Variants in LRRC49 observed in about 807,000 individuals in gnomAD.
The protein encoded by LRRC49 is leucine rich repeat containing 49.
A neutral mutation model predicts 83.3 loss-of-function variants in LRRC49; 50 were observed. The observed-to-expected ratio is 0.60, with a 90% CI of 0.48 to 0.76. LRRC49 has a LOEUF of 0.76. Ranked by LOEUF, LRRC49 falls within the 30% of genes least tolerant of loss-of-function variation. The pLI, the probability that LRRC49 is intolerant of heterozygous loss-of-function variation, is 0.00. For missense variants in LRRC49, 704 were observed against 809.1 expected (o/e 0.87, Z 1.58); for synonymous variants, 286 against 283.3 (o/e 1.01, Z -0.10).
intron 2 of LRRC49, among the ~76,000 whole-genome samples, chr15:70,877,920 G>A (rs2033185733): frequency 6.6e-6 from 1 of 152,190 alleles, no homozygotes. Flanking sequence ...ACGAGGTCAG[G>A]AGATTGAGAC....
intron 9 of LRRC49, among the ~76,000 whole-genome samples, chr15:70,974,095 C>T (rs1304537932): frequency 3.3e-5 from 5 of 151,998 alleles, no homozygotes; most frequent in African/African-American, 1.2e-4. Context: ...CCACTGCACT[C>T]CAGCCTGGCA....
At chr15:70,853,845 G>C in intron 1 of LRRC49, 1 of 1,211,270 alleles carries the variant, frequency 8.3e-7, no homozygotes. Context: ...GCGCGGCCCG[G>C]CGCCCCCTCG....
chr15:70,984,761 T>C (rs1253196160), intron 11 of LRRC49, among the ~76,000 whole-genome samples: 1 of 145,004 alleles, frequency 6.9e-6, no homozygotes, highest in Non-Finnish European at 1.5e-5. Context: ...GTATATCTCC[T>C]AAAGCTATCC....
intron 1 of LRRC49, among the ~76,000 whole-genome samples, chr15:70,867,481 A>C (rs1355819491): frequency 6.6e-6 from 1 of 152,144 alleles, no homozygotes; most frequent in East Asian, 1.9e-4. Flanking sequence ...ACCTCATTTA[A>C]CCCTTGCAGC....
At chr15:70,959,536 GGGAAGGAAGGAA>G (rs375526332) in intron 8 of LRRC49, among the ~76,000 whole-genome samples, 8,272 of 79,466 alleles carry the variant, frequency 0.1, 524 homozygotes, top group Middle Eastern at 0.13. Flanking sequence ...GAGGAAAGGA[GGGAAGGAAGGAA>G]GGAAGGAAGG....
intron 1 of LRRC49, among the ~76,000 whole-genome samples, chr15:70,869,953 C>T (rs2032992517): frequency 6.6e-6 from 1 of 151,722 alleles, no homozygotes; most frequent in Non-Finnish European, 1.5e-5. Flanking sequence ...TCTTGAGCTG[C>T]AGCTAAAAAA....
At chr15:70,948,118 ACG>A (rs2036075571) in intron 8 of LRRC49, among the ~76,000 whole-genome samples, 1 of 151,982 alleles carries the variant, frequency 6.6e-6, no homozygotes, top group African/African-American at 2.4e-5. Flanking sequence ...GTGTGTGCAC[ACG>A]TGTGTGTTCG....
At chr15:70,966,138 T>C (rs2036785643) in intron 9 of LRRC49, among the ~76,000 whole-genome samples, 1 of 152,170 alleles carries the variant, frequency 6.6e-6, no homozygotes, top group Admixed American at 6.6e-5. Context: ...CTATTTTTTC[T>C]CTTTAAGAAA....
Position 70,873,184 on chromosome 15 carries a change from C to T in LRRC49, c.-22C>T, listed in dbSNP as rs1303830527. ...ACAGGAGTGAGCCACCTCGCCCAGC[C>T]AACTTGACATAACTTTTAAAGATGG... On this transcript the variant is annotated 5_prime_UTR_variant, in exon 2 of 17. Transcript: ENST00000544974. The T allele has an allele frequency of 7.8e-6, 12 of 1,535,654 alleles. No individual in the cohort carries two copies. In the African/African-American group the frequency reaches 9.6e-5, roughly 12 times the overall value.
chr15:70,865,474 T>G (rs2032889806), intron 1 of LRRC49, among the ~76,000 whole-genome samples: 1 of 152,196 alleles, frequency 6.6e-6, no homozygotes, highest in African/African-American at 2.4e-5. Flanking sequence ...CCCAAAATGT[T>G]TCATTCCAAG....
chr15:71,014,085 T>C (rs2038747430), intron 14 of LRRC49, among the ~76,000 whole-genome samples: 1 of 152,092 alleles, frequency 6.6e-6, no homozygotes. Context: ...CCCAAGTGTA[T>C]CGGATTGATG....
chr15:70,963,671 T>C (rs901405549), intron 8 of LRRC49, 114 bp from the exon 9 acceptor site: 12 of 1,200,014 alleles, frequency 1.0e-5, no homozygotes, highest in Admixed American at 4.3e-5. Context: ...AACTCTGTAC[T>C]ATCTTCTCAA....
At chr15:70,882,641 G>A (rs542177705) in intron 2 of LRRC49, 28 of 1,613,692 alleles carry the variant, frequency 1.7e-5, no homozygotes, top group Non-Finnish European at 2.4e-5. Context: ...TTTCACTTTG[G>A]CTTGAATACC....
chr15:70,899,373 G>C (rs895029134), intron 3 of LRRC49, among the ~76,000 whole-genome samples: 1 of 151,978 alleles, frequency 6.6e-6, no homozygotes, highest in Non-Finnish European at 1.5e-5. Context: ...TCAGTCTTTA[G>C]ACTGGTTTTT....
At chr15:70,957,878 T>C (rs1328987142) in intron 8 of LRRC49, among the ~76,000 whole-genome samples, 1 of 152,236 alleles carries the variant, frequency 6.6e-6, no homozygotes, top group African/African-American at 2.4e-5. Flanking sequence ...GATGAAAAGA[T>C]AATCTGTCAA....
intron 9 of LRRC49, among the ~76,000 whole-genome samples, chr15:70,976,358 T>C (rs1330113795): frequency 2.0e-5 from 3 of 152,226 alleles, no homozygotes; most frequent in Non-Finnish European, 2.9e-5. Flanking sequence ...AACCCTGTGA[T>C]TTTAAAGTCT....
chr15:70,891,567 C>CTCTGTGTGTG (rs1229520079), upstream of LRRC49, among the ~76,000 whole-genome samples: 2 of 137,050 alleles, frequency 1.5e-5, no homozygotes, highest in Admixed American at 1.5e-4. Flanking sequence ...GGACAAGACT[C>CTCTGTGTGTG]TGTGTGTGTG....
At chr15:70,996,102 T>C (rs1364991013) in intron 11 of LRRC49, among the ~76,000 whole-genome samples, 1 of 152,152 alleles carries the variant, frequency 6.6e-6, no homozygotes, top group Non-Finnish European at 1.5e-5. Context: ...TTAGTTTGAT[T>C]CTTTTTTTAA....
chr15:70,944,202 C>T (rs1436274336), intron 8 of LRRC49, among the ~76,000 whole-genome samples: 2 of 152,098 alleles, frequency 1.3e-5, no homozygotes, highest in African/African-American at 2.4e-5. Flanking sequence ...TACATAACTG[C>T]ACCTTCTCCC....
Sources: gnomAD v4.1 joint callset for allele counts (sites outside exome capture counted in the v4.1 genomes callset) on GRCh38, gnomAD v4.1.1 for gene constraint, MANE v1.5 for transcripts, NCBI Gene and HGNC (gene_info 2026-07-23, HGNC 2026-07-21) for gene names.